The following NTRK2 variants were observed in gnomAD, a reference collection of about 807,000 sequenced individuals.
NTRK2 encodes the protein BDNF/NT-3 growth factors receptor.
NTRK2 carries 13 observed loss-of-function variants against 94.5 expected under a neutral mutation model. The observed-to-expected ratio is 0.14, with a 90% CI of 0.09 to 0.22. The LOEUF is 0.22. Among genes scored for constraint, NTRK2 ranks in the 10% least tolerant of loss-of-function variants. The pLI, the probability that NTRK2 is intolerant of heterozygous loss-of-function variation, is 1.00. For missense variants in NTRK2, 639 were observed against 1,071.2 expected (o/e 0.60, Z 5.63); for synonymous variants, 372 against 407.4 (o/e 0.91, Z 1.05).
rs765587715 is a variant in NTRK2 at position 84,934,169 on chromosome 9, G to A, written c.1641G>A (p.Gln547=). The change falls in exon 15 of 19, where the codon CAG becomes CAA. Residue 547 remains glutamine, a synonymous_variant. Coordinates refer to ENST00000277120, the MANE Select transcript of NTRK2 (RefSeq NM_006180.6). ...TCTGTCTTTGTTTTGCAGTTGTTCA[G>A]CACATCAAGCGACATAACATTGTTC... ...NSQLKPDTFV[Q]HIKRHNIVLK... The A allele has an allele frequency of 6.2e-7, 1 of 1,613,888 alleles. No individual in the cohort carries two copies.
At chr9:84,797,743 AAT>A (rs371543163) in intron 12 of NTRK2, among the ~76,000 whole-genome samples, 1 of 10,580 alleles carries the variant, frequency 9.5e-5, no homozygotes, top group South Asian at 2.1e-3. Context: ...TATATACTAT[AAT>A]ATATATTATA....
chr9:84,874,328 G>T (rs199975326), intron 14 of NTRK2: 4 of 1,064,988 alleles, frequency 3.8e-6, no homozygotes, highest in Non-Finnish European at 4.5e-6. Flanking sequence ...TGGATGTGAG[G>T]CTCAATCCTT....
At chr9:84,815,338 A>C in intron 12 of NTRK2, 2 of 1,047,568 alleles carry the variant, frequency 1.9e-6, no homozygotes, top group South Asian at 9.2e-5. Flanking sequence ...GAAAAGCAAA[A>C]AGAAAGGAAC....
At chr9:84,679,228 A>C (rs889883200) in intron 2 of NTRK2, among the ~76,000 whole-genome samples, 7 of 152,180 alleles carry the variant, frequency 4.6e-5, no homozygotes, top group Non-Finnish European at 1.0e-4. Context: ...ACTAAGGTAC[A>C]TGGGTTTGGC....
At chr9:84,810,675 C>T (rs200189076) in intron 12 of NTRK2, 38 of 1,603,544 alleles carry the variant, frequency 2.4e-5, no homozygotes, top group African/African-American at 8.0e-5. Context: ...TGGCTTATCC[C>T]GGGAAGTGCT....
At chr9:84,704,478 G>A (rs534202906) in intron 4 of NTRK2, among the ~76,000 whole-genome samples, 9 of 151,898 alleles carry the variant, frequency 5.9e-5, no homozygotes, top group East Asian at 1.9e-4. Context: ...TGCCCACCTC[G>A]GCCTCCCAAA....
At chr9:84,838,383 CAG>C (rs1460505782) in intron 12 of NTRK2, among the ~76,000 whole-genome samples, 1 of 151,932 alleles carries the variant, frequency 6.6e-6, no homozygotes, top group Admixed American at 6.6e-5. Context: ...GGTAAAATTG[CAG>C]AGATAATAAA....
chr9:84,890,549 T>C (rs2076566149), intron 14 of NTRK2, among the ~76,000 whole-genome samples: 1 of 152,240 alleles, frequency 6.6e-6, no homozygotes, highest in African/African-American at 2.4e-5. Context: ...GGATCAGTTA[T>C]AGCTGACCAT....
intron 13 of NTRK2, among the ~76,000 whole-genome samples, chr9:84,862,860 G>T (rs1390386686): frequency 6.6e-6 from 1 of 152,148 alleles, no homozygotes; most frequent in East Asian, 1.9e-4. Context: ...ACTTCAACAG[G>T]CTCTAGGGTA....
rs1006476167 is a variant in NTRK2 at position 85,026,416 on chromosome 9, T to G, written c.*4979T>G. 1.7e-5 allele frequency: 4 copies of G among 232,014 alleles called. No individual in the cohort carries two copies. The highest frequency in any genetic ancestry group is 8.8e-5 in the African/African-American group (4 of 45,274). The allele number at this position is 232,014 out of a possible 1,614,324, so 14.4% of individuals were successfully genotyped here. A position where few individuals can be genotyped will look rare whatever the true frequency, so the allele number is the denominator to read the frequency against. On this transcript the variant is annotated 3_prime_UTR_variant, in exon 19 of 19. Coordinates refer to ENST00000277120, the MANE Select transcript of NTRK2 (RefSeq NM_006180.6). The stretch of plus-strand genomic sequence containing the variant: ...ATAAAAGCTGCTAGTAGCCATGTGT[T>G]TGAACAGGAAAAATATTACAGAAAA...
intron 7 of NTRK2, 75 bp from the exon 8 acceptor site, chr9:84,724,149 G>A (rs2062274649): frequency 6.5e-7 from 1 of 1,544,434 alleles, no homozygotes; most frequent in Non-Finnish European, 8.9e-7. Context: ...TCTAGTTAGG[G>A]GAAGAAACCC....
At chr9:85,013,788 C>T (rs2133543176) in intron 17 of NTRK2, among the ~76,000 whole-genome samples, 1 of 152,320 alleles carries the variant, frequency 6.6e-6, no homozygotes, top group South Asian at 2.1e-4. Flanking sequence ...AGCTAATCAT[C>T]TCTTAATGGG....
At chr9:84,749,844 G>T (rs2064423865) in intron 11 of NTRK2, among the ~76,000 whole-genome samples, 1 of 152,130 alleles carries the variant, frequency 6.6e-6, no homozygotes, top group Non-Finnish European at 1.5e-5. Flanking sequence ...ACCCTATAAT[G>T]CTTCTCACTA....
At chr9:84,740,810 G>T (rs549474426) in intron 9 of NTRK2, among the ~76,000 whole-genome samples, 16 of 152,272 alleles carry the variant, frequency 1.1e-4, no homozygotes, top group African/African-American at 3.6e-4. Context: ...ACTTTTATTT[G>T]GTTCTTCATT....
intron 8 of NTRK2, among the ~76,000 whole-genome samples, chr9:84,724,610 CTT>C (rs1462067402): frequency 1.3e-5 from 2 of 152,090 alleles, no homozygotes; most frequent in African/African-American, 4.8e-5. Flanking sequence ...CTTCCTCTGT[CTT>C]TTTTCTGATA....
At chr9:84,799,835 T>C (rs1344354281) in intron 12 of NTRK2, among the ~76,000 whole-genome samples, 1 of 152,164 alleles carries the variant, frequency 6.6e-6, no homozygotes, top group Non-Finnish European at 1.5e-5. Flanking sequence ...CTTTTCAAGG[T>C]TTAGCTTCCC....
intron 12 of NTRK2, chr9:84,811,823 A>G: frequency 9.4e-7 from 1 of 1,065,250 alleles, no homozygotes; most frequent in African/African-American, 1.6e-5. Context: ...TGTTTCATTC[A>G]CTTTAGCATC....
chr9:84,872,066 A>T (rs200593488), intron 14 of NTRK2: 1 of 1,377,450 alleles, frequency 7.3e-7, no homozygotes, highest in Non-Finnish European at 9.4e-7. Context: ...TCCTCGATCA[A>T]TCAGGATGGC....
intron 14 of NTRK2, among the ~76,000 whole-genome samples, chr9:84,899,395 G>A (rs2076859101): frequency 1.3e-5 from 2 of 152,170 alleles, no homozygotes; most frequent in Admixed American, 1.3e-4. Context: ...TTTTATATTT[G>A]TACCTCCAAT....
Sources: allele counts gnomAD v4.1 joint callset (sites outside exome capture counted in the v4.1 genomes callset), GRCh38; gene constraint gnomAD v4.1.1; transcripts MANE v1.5; gene names NCBI Gene and HGNC (gene_info 2026-07-23, HGNC 2026-07-21).